The following CCDC148 variants were observed in gnomAD, a reference collection of about 807,000 sequenced individuals.
The protein encoded by CCDC148 is coiled-coil domain containing 148, also known as coiled-coil domain-containing protein 148.
Under a neutral mutation model 85.7 loss-of-function variants are expected in CCDC148, and 89 were observed. The ratio of observed to expected loss-of-function variants is 1.04; its 90% CI spans 0.87 to 1.24. The LOEUF is 1.24. Ranked by LOEUF, CCDC148 falls within the 50% of genes most tolerant of loss-of-function variation. The probability of loss-of-function intolerance (pLI) is 0.00; values close to 1 mark genes in which losing one functional copy is unlikely to be tolerated. For synonymous variants in CCDC148, 230 were observed against 213.9 expected (o/e 1.08, Z -0.66); for missense variants, 692 against 671.7 (o/e 1.03, Z -0.33).
chr2:158,329,969 T>C (rs1693007932), intron 7 of CCDC148, among the ~76,000 whole-genome samples: 1 of 152,228 alleles, frequency 6.6e-6, no homozygotes, highest in South Asian at 2.1e-4. Flanking sequence ...ACAATTTGAC[T>C]TCCTCTTTTC....
chr2:158,229,019 C>T (rs1454563187), intron 10 of CCDC148, among the ~76,000 whole-genome samples: 2 of 150,992 alleles, frequency 1.3e-5, no homozygotes, highest in Non-Finnish European at 2.9e-5. Context: ...ACTTCAGTCA[C>T]AGCCTTCTCA....
intron 10 of CCDC148, among the ~76,000 whole-genome samples, chr2:158,226,921 C>T (rs1327615322): frequency 6.6e-6 from 1 of 152,114 alleles, no homozygotes; most frequent in African/African-American, 2.4e-5. Flanking sequence ...TCTCTCACCA[C>T]TCCTATTCAA....
intron 2 of CCDC148, among the ~76,000 whole-genome samples, chr2:158,350,126 A>T (rs1485078114): frequency 6.6e-6 from 1 of 152,186 alleles, no homozygotes; most frequent in Non-Finnish European, 1.5e-5. Context: ...TAACCGCACA[A>T]ATATGTAAAT....
chr2:158,433,909 G>A (rs1280232354), intron 1 of CCDC148, among the ~76,000 whole-genome samples: 1 of 152,236 alleles, frequency 6.6e-6, no homozygotes, highest in Admixed American at 6.5e-5. Flanking sequence ...CCGCAAGGCG[G>A]CAGCGAGGCT....
At chr2:158,204,282 G>C (rs1277252406) in intron 11 of CCDC148, among the ~76,000 whole-genome samples, 1 of 152,092 alleles carries the variant, frequency 6.6e-6, no homozygotes, top group Admixed American at 6.6e-5. Flanking sequence ...TTTTCAAATA[G>C]GATCACAAAT....
In CCDC148 at chr2:158,421,964, T is replaced by C. The variant is rs547292838; in HGVS notation, c.25+34451A>G. Reference sequence around the variant, plus strand: ...CATCAGAGAATACTATAAACACCTCTATGCAAATAAACTAGAAAATCTAGA... The same window carrying C: ...CATCAGAGAATACTATAAACACCTCCATGCAAATAAACTAGAAAATCTAGA... On this transcript the variant is annotated intron_variant, in intron 1 of 13. Coordinates refer to ENST00000283233, the MANE Select transcript of CCDC148 (RefSeq NM_138803.4). 1.3e-3 allele frequency among the ~76,000 whole-genome samples: 193 copies of C among 152,220 alleles called. 1 individual carries two copies. The highest frequency in any genetic ancestry group is 3.1e-3 in the South Asian group (15 of 4,826).
chr2:158,306,294 A>T (rs934127250), intron 9 of CCDC148, among the ~76,000 whole-genome samples: 10 of 152,142 alleles, frequency 6.6e-5, no homozygotes, highest in African/African-American at 2.2e-4. Context: ...AGGCTGAGGC[A>T]GGTGGATCAT....
Position 158,313,861 on chromosome 2 carries a change from A to G in CCDC148, c.798T>C (p.Ile266=), listed in dbSNP as rs143191880. ...GGTACTGATCCAAAATAGCCTGGTA[A>G]ATCCAGTGGTCTTCTTCACTTAGTT... is the stretch of plus-strand genomic sequence containing the variant. The part of the protein sequence containing the change: ...NCQLSEEDHW[I]YQAILDQYPG... Residue 266 remains isoleucine, a synonymous_variant, in exon 8 of 14, where the codon ATT becomes ATC. Coordinates refer to ENST00000283233, the MANE Select transcript of CCDC148 (RefSeq NM_138803.4). 8.1e-6 allele frequency: 13 copies of G among 1,613,826 alleles called. No individual in the cohort carries two copies. In the East Asian group the frequency reaches 2.9e-4, roughly 36 times the overall value.
chr2:158,222,986 A>G (rs190294734), intron 10 of CCDC148, among the ~76,000 whole-genome samples: 17 of 152,270 alleles, frequency 1.1e-4, no homozygotes, highest in African/African-American at 3.6e-4. Flanking sequence ...CAGTGGGTGC[A>G]GTGCACCGAG....
intron 1 of CCDC148, among the ~76,000 whole-genome samples, chr2:158,438,156 C>T (rs573025261): frequency 6.6e-6 from 1 of 152,022 alleles, no homozygotes; most frequent in African/African-American, 2.4e-5. Flanking sequence ...AAAAAGAGCC[C>T]GCGTTGCCAA....
intron 11 of CCDC148, among the ~76,000 whole-genome samples, chr2:158,216,632 T>C (rs1000947501): frequency 3.7e-4 from 56 of 152,060 alleles, no homozygotes; most frequent in African/African-American, 1.3e-3. Context: ...GACAAAATAT[T>C]ATAGACTGGG....
At chr2:158,418,284 T>G (rs1376415398) in intron 1 of CCDC148, among the ~76,000 whole-genome samples, 1 of 152,182 alleles carries the variant, frequency 6.6e-6, no homozygotes, top group Non-Finnish European at 1.5e-5. Flanking sequence ...CTTTCCATTC[T>G]AAAATTTTAT....
intron 1 of CCDC148, among the ~76,000 whole-genome samples, chr2:158,418,841 A>G (rs1686634242): frequency 1.3e-5 from 2 of 152,164 alleles, no homozygotes; most frequent in African/African-American, 4.8e-5. Context: ...AGCATACAAT[A>G]AACGTGTTTT....
At chr2:158,402,914 A>G (rs1312430933) in intron 1 of CCDC148, among the ~76,000 whole-genome samples, 1 of 152,140 alleles carries the variant, frequency 6.6e-6, no homozygotes, top group Non-Finnish European at 1.5e-5. Flanking sequence ...AGAGCTGAGA[A>G]TAGAACATGT....
At chr2:158,403,687 A>AAC (rs146802561) in intron 1 of CCDC148, among the ~76,000 whole-genome samples, 10,220 of 138,884 alleles carry the variant, frequency 0.074, 651 homozygotes, top group African/African-American at 0.18. Flanking sequence ...TCCTGTCTCA[A>AAC]ACACACACAC....
Position 158,272,858 on chromosome 2 carries a change from T to C in CCDC148, c.1111-21946A>G, listed in dbSNP as rs527599851. ...ACTCCTCTCAGAATTTGAAGTCTTGTGATAAGCAGGTGAGGTGATGGATAT... is the reference window on the plus strand; with the variant it reads ...ACTCCTCTCAGAATTTGAAGTCTTGCGATAAGCAGGTGAGGTGATGGATAT... On this transcript the variant is annotated intron_variant, in intron 9 of 13. Transcript: ENST00000283233. Among the ~76,000 whole-genome samples the C allele has an allele frequency of 4.2e-4, 64 of 152,344 alleles. 1 individual carries two copies. The highest frequency in any genetic ancestry group is 1.5e-3 in the African/African-American group (61 of 41,586).
chr2:158,185,123 T>C (rs936189274), intron 11 of CCDC148, among the ~76,000 whole-genome samples: 1 of 152,182 alleles, frequency 6.6e-6, no homozygotes, highest in Non-Finnish European at 1.5e-5. Context: ...TTGCTTGGTA[T>C]TATTGACATT....
chr2:158,262,719 G>C (rs995827759), intron 9 of CCDC148, among the ~76,000 whole-genome samples: 1 of 151,808 alleles, frequency 6.6e-6, no homozygotes, highest in Non-Finnish European at 1.5e-5. Context: ...GATCTCATGA[G>C]AACTCACTCA....
At chr2:158,446,129 T>C (rs1688147325) in intron 1 of CCDC148, among the ~76,000 whole-genome samples, 1 of 152,112 alleles carries the variant, frequency 6.6e-6, no homozygotes, top group Non-Finnish European at 1.5e-5. Flanking sequence ...GGGAGGATCA[T>C]TTGAGGCTAG....
Sources: allele counts gnomAD v4.1 joint callset (sites outside exome capture counted in the v4.1 genomes callset), GRCh38; gene constraint gnomAD v4.1.1; transcripts MANE v1.5; gene names NCBI Gene and HGNC (gene_info 2026-07-23, HGNC 2026-07-21).